The following S100Z variants were observed in gnomAD, a reference collection of about 807,000 sequenced individuals.
S100Z encodes the protein S100 calcium binding protein Z.
In S100Z, 11 loss-of-function variants were observed where a neutral mutation model predicts 8.5. The ratio of observed to expected loss-of-function variants is 1.30; its 90% CI spans 0.82 to 2.15. The LOEUF (loss-of-function observed/expected upper bound fraction) is 2.15. Among genes scored for constraint, S100Z ranks in the 30% most tolerant of loss-of-function variants. The probability of loss-of-function intolerance (pLI) is 0.00; values close to 1 mark genes in which losing one functional copy is unlikely to be tolerated. For missense variants in S100Z, 126 were observed against 117.9 expected, an observed-to-expected ratio of 1.07 and a Z score of -0.32; for synonymous variants, 34 against 43.8, an observed-to-expected ratio of 0.78 and a Z score of 0.89.
intron 4 of S100Z, among the ~76,000 whole-genome samples, chr5:76,881,500 T>G (rs1276262319): frequency 1.3e-5 from 2 of 151,090 alleles, no homozygotes; most frequent in African/African-American, 2.4e-5. Flanking sequence ...CCCTGAGGAG[T>G]AGTAGTAGAA....
At chr5:76,932,091 T>G in the S100Z span, among the ~76,000 whole-genome samples, 1 of 152,204 alleles carries the variant, frequency 6.6e-6, no homozygotes, top group Admixed American at 6.5e-5. Flanking sequence ...GTCACTTGTG[T>G]TGTGTCTGCA....
rs532042312 is a variant in S100Z at position 76,904,384 on chromosome 5, A to G, written c.*3-16333A>G. The stretch of plus-strand genomic sequence containing the variant: ...AACCTCTGCCTCCTGGGTTCAAGCA[A>G]TTCTCCCTGCCTCAGCCTCCTGAGC... On this transcript the variant is annotated intron_variant, in intron 4 of 4. Coordinates refer to ENST00000317593, the MANE Select transcript of S100Z (RefSeq NM_130772.4). Among the ~76,000 whole-genome samples the G allele has an allele frequency of 3.1e-3, 467 of 151,982 alleles. 2 individuals are homozygous for G. Among genetic ancestry groups the G allele is most frequent in the African/African-American group, 0.011 (457 of 41,462 alleles).
At chr5:76,868,368 C>T (rs1405351236) in intron 1 of S100Z, among the ~76,000 whole-genome samples, 2 of 152,244 alleles carry the variant, frequency 1.3e-5, no homozygotes, top group South Asian at 2.1e-4. Flanking sequence ...TGCTTTTAAA[C>T]CCCAAGAGCC....
intron 2 of S100Z, among the ~76,000 whole-genome samples, chr5:76,873,510 T>C (rs1410161915): frequency 6.6e-6 from 1 of 152,006 alleles, no homozygotes. Flanking sequence ...GTTTCACCAT[T>C]TTGGTCAGGG....
chr5:76,900,634 G>A (rs1744197037), intron 4 of S100Z, among the ~76,000 whole-genome samples: 1 of 152,060 alleles, frequency 6.6e-6, no homozygotes, highest in Admixed American at 6.6e-5. Flanking sequence ...TTCCTTCTCT[G>A]TGTAATCTTG....
intron 1 of S100Z, among the ~76,000 whole-genome samples, chr5:76,869,745 G>A (rs992186842): frequency 2.6e-5 from 4 of 152,144 alleles, no homozygotes; most frequent in Non-Finnish European, 5.9e-5. Context: ...GTGGCTGGGT[G>A]CAGTGGCTCA....
intron 1 of S100Z, among the ~76,000 whole-genome samples, chr5:76,862,379 A>G (rs1271450852): frequency 6.6e-6 from 1 of 152,206 alleles, no homozygotes; most frequent in East Asian, 1.9e-4. Flanking sequence ...CACTCCTGTG[A>G]TAACAAGATG....
At chr5:76,936,720 G>T in the S100Z span, among the ~76,000 whole-genome samples, 4 of 151,780 alleles carry the variant, frequency 2.6e-5, no homozygotes, top group East Asian at 7.7e-4. Flanking sequence ...AACTGGTTTG[G>T]TAGGCTCGCA....
At chr5:76,851,351 G>A (rs1018253356) in intron 1 of S100Z, among the ~76,000 whole-genome samples, 1 of 152,174 alleles carries the variant, frequency 6.6e-6, no homozygotes, top group African/African-American at 2.4e-5. Flanking sequence ...CAGCAGGCAG[G>A]GGAGGCTAAT....
At chr5:76,860,907 TAGA>T (rs1373812650) in intron 1 of S100Z, among the ~76,000 whole-genome samples, 1 of 152,224 alleles carries the variant, frequency 6.6e-6, no homozygotes, top group Non-Finnish European at 1.5e-5. Flanking sequence ...AACATTCTAA[TAGA>T]AGAAACGTAT....
At chr5:76,859,583 C>T (rs1376693860) in intron 1 of S100Z, among the ~76,000 whole-genome samples, 1 of 151,826 alleles carries the variant, frequency 6.6e-6, no homozygotes, top group Non-Finnish European at 1.5e-5. Context: ...GAGTTTGAGA[C>T]CAGCCTGGCC....
intron 1 of S100Z, among the ~76,000 whole-genome samples, chr5:76,855,102 G>A (rs1295774119): frequency 6.6e-6 from 1 of 152,222 alleles, no homozygotes; most frequent in Non-Finnish European, 1.5e-5. Context: ...AGATTTGAAA[G>A]GATGTATGGC....
intron 4 of S100Z, among the ~76,000 whole-genome samples, chr5:76,904,800 C>T (rs1237694939): frequency 1.3e-5 from 2 of 152,160 alleles, no homozygotes; most frequent in East Asian, 1.9e-4. Context: ...CTGCCTCAGC[C>T]TCCCAAAATG....
intron 4 of S100Z, among the ~76,000 whole-genome samples, chr5:76,898,407 C>T (rs554071670): frequency 1.4e-4 from 22 of 152,108 alleles, no homozygotes; most frequent in Admixed American, 7.9e-4. Flanking sequence ...CCAGGTGATC[C>T]GCCCACCTCG....
chr5:76,926,794 G>C, the S100Z span, among the ~76,000 whole-genome samples: 2 of 152,166 alleles, frequency 1.3e-5, no homozygotes, highest in African/African-American at 4.8e-5. Flanking sequence ...AGTAGAATCA[G>C]CTTTGCAAAA....
At chr5:76,939,595 C>T in the S100Z span, among the ~76,000 whole-genome samples, 109,495 of 147,852 alleles carry the variant, frequency 0.74, 41,175 homozygotes, top group East Asian at 0.93. Context: ...TCACTGCAAC[C>T]TCTGCCTCCT....
At chr5:76,948,618 C>T in the S100Z span, among the ~76,000 whole-genome samples, 1 of 151,980 alleles carries the variant, frequency 6.6e-6, no homozygotes, top group Non-Finnish European at 1.5e-5. Flanking sequence ...CAAATCAAAT[C>T]CACGACGAGA....
intron 1 of S100Z, among the ~76,000 whole-genome samples, chr5:76,863,826 C>T (rs1024832618): frequency 8.5e-5 from 13 of 152,358 alleles, no homozygotes; most frequent in Non-Finnish European, 1.5e-4. Flanking sequence ...GTGTGAGCCA[C>T]TGCGCCCGGC....
At chr5:76,944,780 G>A in the S100Z span, among the ~76,000 whole-genome samples, 7 of 152,364 alleles carry the variant, frequency 4.6e-5, no homozygotes, top group African/African-American at 1.7e-4. Context: ...TGTCAGGGAA[G>A]AGGCTGATGT....
Sources: gnomAD v4.1 joint callset for allele counts (sites outside exome capture counted in the v4.1 genomes callset) on GRCh38, gnomAD v4.1.1 for gene constraint, MANE v1.5 for transcripts, NCBI Gene and HGNC (gene_info 2026-07-23, HGNC 2026-07-21) for gene names.